ALDH1A2: variants seen among roughly 807,000 people sequenced by gnomAD.
The protein encoded by ALDH1A2 is aldehyde dehydrogenase 1 family member A2.
A neutral mutation model predicts 60.3 loss-of-function variants in ALDH1A2; 27 were observed. The observed-to-expected ratio is 0.45, with a 90% CI of 0.33 to 0.62. ALDH1A2 has a LOEUF of 0.62. Ranked by LOEUF, ALDH1A2 falls within the 20% of genes least tolerant of loss-of-function variation. The pLI, the probability that ALDH1A2 is intolerant of heterozygous loss-of-function variation, is 0.02. For synonymous variants in ALDH1A2, 289 were observed against 232.4 expected (o/e 1.24, Z -2.21); for missense variants, 581 against 643.8 (o/e 0.90, Z 1.06).
rs753780781 is a variant in ALDH1A2, at chr15:58,035,827, T to G, written c.118-21546A>C. On this transcript the variant is annotated intron_variant, in intron 1 of 12. Coordinates refer to ENST00000249750, the MANE Select transcript of ALDH1A2 (RefSeq NM_003888.4). ...AAAGTGTGATTTATACCCCAGAATG[T>G]GGTCTATCTTGCTGAATGCTTTGTG... Among the ~76,000 whole-genome samples, 6 of 151,714 alleles carry G rather than the reference T, an allele frequency of 4.0e-5. No homozygotes were observed. In the East Asian group the frequency reaches 1.2e-3, roughly 29 times the overall value.
intron 1 of ALDH1A2, among the ~76,000 whole-genome samples, chr15:58,047,329 T>C (rs1379242677): frequency 6.6e-6 from 1 of 152,068 alleles, no homozygotes; most frequent in Non-Finnish European, 1.5e-5. Context: ...CAACTTGCCA[T>C]TAAACTGTTT....
At chr15:57,961,329 C>T in intron 10 of ALDH1A2, 35 bp from the exon 11 acceptor site, 1 of 1,609,170 alleles carries the variant, frequency 6.2e-7, no homozygotes, top group Non-Finnish European at 8.5e-7. Flanking sequence ...CATGGTTGCT[C>T]TGTCATTCCT....
intron 4 of ALDH1A2, 53 bp from the exon 5 acceptor site, chr15:57,995,192 T>C: frequency 1.1e-6 from 1 of 870,058 alleles, no homozygotes; most frequent in Non-Finnish European, 1.6e-6. Flanking sequence ...GGAAAAAAAA[T>C]GCAAAGGGAG....
chr15:57,985,702 T>C (rs1261639695), intron 7 of ALDH1A2, among the ~76,000 whole-genome samples: 2 of 152,290 alleles, frequency 1.3e-5, no homozygotes, highest in East Asian at 3.9e-4. Flanking sequence ...GTATGTTTAC[T>C]ATACATAAGA....
intron 1 of ALDH1A2, among the ~76,000 whole-genome samples, chr15:58,032,906 G>A (rs997074194): frequency 2.0e-5 from 3 of 151,944 alleles, no homozygotes; most frequent in Non-Finnish European, 4.4e-5. Flanking sequence ...GTCATTACAA[G>A]TAAAATAAGC....
intron 1 of ALDH1A2, among the ~76,000 whole-genome samples, chr15:58,017,843 A>T (rs1458843865): frequency 2.0e-5 from 3 of 152,206 alleles, no homozygotes; most frequent in African/African-American, 7.2e-5. Context: ...ATACATTGAA[A>T]CCAGATGGTA....
intron 7 of ALDH1A2, among the ~76,000 whole-genome samples, chr15:57,989,647 C>A (rs1029607576): frequency 1.3e-5 from 2 of 151,820 alleles, no homozygotes; most frequent in African/African-American, 4.8e-5. Context: ...ATTACTTTTG[C>A]TCCAACCTGT....
At position 58,065,620 on chromosome 15, in the gene ALDH1A2, C is replaced by T. The variant is rs1489047660; in HGVS notation, c.31G>A (p.Glu11Lys). The change falls in exon 1 of 13, where the codon GAG becomes AAG. Residue 11 changes from glutamate (E) to lysine (K), a missense_variant. Coordinates refer to ENST00000249750, the MANE Select transcript of ALDH1A2 (RefSeq NM_003888.4). The part of the protein sequence containing the change: MTSSKIEMPG[E>K]VKADPAALMA... ...AGGGCGGCGGGGTCGGCCTTCACCT[C>T]GCCGGGCATCTCTATCTTGCTGGAA... 1.9e-6 allele frequency: 3 copies of T among 1,606,936 alleles called. No homozygotes were observed. Among genetic ancestry groups the T allele is most frequent in the Admixed American group, 1.7e-5 (1 of 59,424 alleles).
At chr15:58,029,969 A>G (rs564764247) in intron 1 of ALDH1A2, among the ~76,000 whole-genome samples, 56 of 152,338 alleles carry the variant, frequency 3.7e-4, no homozygotes, top group African/African-American at 1.3e-3. Context: ...AGCAAAGACG[A>G]TCTGGTACCA....
At chr15:58,022,358 G>A (rs765074538) in intron 1 of ALDH1A2, among the ~76,000 whole-genome samples, 8 of 152,024 alleles carry the variant, frequency 5.3e-5, no homozygotes, top group Admixed American at 1.3e-4. Flanking sequence ...GTGCAACCTC[G>A]GGCCTGGAGA....
rs1310392710 is a variant in ALDH1A2 at position 57,977,405 on chromosome 15, T to C, written c.799-11578A>G. ...TACGTTTAAGTCTTTAATCCATCTT[T>C]AGTTAATTTTTGTATAAGGTGTAAG... On this transcript the variant is annotated intron_variant, in intron 7 of 12. Transcript: ENST00000249750. Among the ~76,000 whole-genome samples, 4 of 152,212 alleles carry C rather than the reference T, an allele frequency of 2.6e-5. No individual in the cohort carries two copies. The South Asian group carries it at 8.3e-4, about 31-fold the overall frequency.
chr15:57,968,784 C>T (rs1039249860), intron 7 of ALDH1A2, among the ~76,000 whole-genome samples: 5 of 152,194 alleles, frequency 3.3e-5, no homozygotes, highest in African/African-American at 1.2e-4. Context: ...AGCCCTACTC[C>T]CTGATATTCA....
chr15:58,008,943 G>C (rs1447930641), intron 4 of ALDH1A2, among the ~76,000 whole-genome samples: 1 of 152,046 alleles, frequency 6.6e-6, no homozygotes, highest in Non-Finnish European at 1.5e-5. Flanking sequence ...AATATCCTTA[G>C]AGTCAGAACT....
intron 1 of ALDH1A2, among the ~76,000 whole-genome samples, chr15:58,020,434 C>A (rs1474555088): frequency 6.6e-6 from 1 of 152,124 alleles, no homozygotes; most frequent in Admixed American, 6.5e-5. Context: ...AAGAACAAAT[C>A]TGAAACACAC....
chr15:58,058,131 T>A, intron 1 of ALDH1A2: 1 of 1,449,390 alleles, frequency 6.9e-7, no homozygotes, highest in South Asian at 1.2e-5. Context: ...GACTTTCAGT[T>A]GTTCTCCATA....
intron 4 of ALDH1A2, among the ~76,000 whole-genome samples, chr15:58,003,333 T>A (rs1895338671): frequency 6.6e-6 from 1 of 151,856 alleles, no homozygotes; most frequent in Admixed American, 6.6e-5. Flanking sequence ...CAAGAATACT[T>A]CAGATTTCAC....
At chr15:58,018,129 A>G (rs1358900429) in intron 1 of ALDH1A2, among the ~76,000 whole-genome samples, 1 of 152,168 alleles carries the variant, frequency 6.6e-6, no homozygotes, top group African/African-American at 2.4e-5. Flanking sequence ...GGAAAGTACA[A>G]GATGAGCCTG....
At chr15:58,024,716 T>A (rs1896028910) in intron 1 of ALDH1A2, among the ~76,000 whole-genome samples, 1 of 152,132 alleles carries the variant, frequency 6.6e-6, no homozygotes, top group South Asian at 2.1e-4. Context: ...AGACCTAACA[T>A]TCTATCCAAC....
intron 7 of ALDH1A2, among the ~76,000 whole-genome samples, chr15:57,971,057 T>C (rs77150734): frequency 0.075 from 11,486 of 152,232 alleles, 443 homozygotes; most frequent in Middle Eastern, 0.13. Flanking sequence ...CCTTTATCTG[T>C]GAAATTCAGA....
Sources: gnomAD v4.1 joint callset for allele counts (sites outside exome capture counted in the v4.1 genomes callset) on GRCh38, gnomAD v4.1.1 for gene constraint, MANE v1.5 for transcripts, NCBI Gene and HGNC (gene_info 2026-07-23, HGNC 2026-07-21) for gene names.